Variants in LYPD6B observed in about 807,000 individuals in gnomAD.
LYPD6B encodes LY6/PLAUR domain containing 6B, also known as ly6/PLAUR domain-containing protein 6B.
Under a neutral mutation model 22.8 loss-of-function variants are expected in LYPD6B, and 17 were observed. The observed-to-expected ratio is 0.75, with a 90% confidence interval of 0.51 to 1.12. The LOEUF (loss-of-function observed/expected upper bound fraction) is 1.12, where lower values mean the gene tolerates loss of function less well. LYPD6B is among the 50% of genes most tolerant of loss of function. The pLI is 0.00. For synonymous variants in LYPD6B, 106 were observed against 91.6 expected, an observed-to-expected ratio of 1.16 and a Z score of -0.90; for missense variants, 221 against 258.3, an observed-to-expected ratio of 0.86 and a Z score of 0.99.
At chr2:149,127,216 T>C (rs924902722) in intron 1 of LYPD6B, among the ~76,000 whole-genome samples, 5 of 152,164 alleles carry the variant, frequency 3.3e-5, no homozygotes, top group African/African-American at 1.2e-4. Context: ...TGTAATTCTG[T>C]TGTTTATCAT....
intron 1 of LYPD6B, among the ~76,000 whole-genome samples, chr2:149,110,269 TTGTC>T (rs1265099467): frequency 2.0e-5 from 3 of 152,170 alleles, no homozygotes; most frequent in Non-Finnish European, 4.4e-5. Context: ...TTCAATGCCT[TTGTC>T]TGATAATTCT....
intron 1 of LYPD6B, among the ~76,000 whole-genome samples, chr2:149,055,825 GTA>G (rs1364944356): frequency 3.3e-5 from 5 of 152,204 alleles, no homozygotes; most frequent in Non-Finnish European, 5.9e-5. Context: ...AATGGAGGTA[GTA>G]TTACTTCTTT....
At chr2:149,111,400 T>C (rs1686752502) in intron 1 of LYPD6B, among the ~76,000 whole-genome samples, 1 of 152,108 alleles carries the variant, frequency 6.6e-6, no homozygotes, top group South Asian at 2.1e-4. Flanking sequence ...GTGAAGGTGA[T>C]GAAAAATCAG....
chr2:149,188,715 C>T (rs551140855), intron 3 of LYPD6B: 9 of 979,616 alleles, frequency 9.2e-6, no homozygotes, highest in South Asian at 4.7e-5. Flanking sequence ...CTCAGGAGGT[C>T]GCCTGGCTCC....
intron 3 of LYPD6B, among the ~76,000 whole-genome samples, chr2:149,167,658 G>A (rs1690519597): frequency 6.6e-6 from 1 of 152,092 alleles, no homozygotes; most frequent in African/African-American, 2.4e-5. Context: ...CTGAAAGGGA[G>A]GTTTTATTCA....
chr2:149,198,749 G>A (rs9917120), intron 3 of LYPD6B, among the ~76,000 whole-genome samples: 29,708 of 152,120 alleles, frequency 0.2, 3,044 homozygotes, highest in East Asian at 0.36. Context: ...ATGAGTTTTT[G>A]ATCCTATGCT....
intron 5 of LYPD6B, among the ~76,000 whole-genome samples, chr2:149,212,550 G>A (rs1693941931): frequency 6.6e-6 from 1 of 152,022 alleles, no homozygotes; most frequent in South Asian, 2.1e-4. Flanking sequence ...GAAAAATGAT[G>A]AGTAATGAAA....
At chr2:149,158,287 C>T (rs1167684142) in intron 2 of LYPD6B, among the ~76,000 whole-genome samples, 1 of 151,988 alleles carries the variant, frequency 6.6e-6, no homozygotes, top group Non-Finnish European at 1.5e-5. Context: ...AAATTGATTC[C>T]AGGGTAAACA....
chr2:149,062,123 G>T (rs1684113020), intron 1 of LYPD6B, among the ~76,000 whole-genome samples: 1 of 152,040 alleles, frequency 6.6e-6, no homozygotes, highest in African/African-American at 2.4e-5. Context: ...GAGTAGCTGG[G>T]ATTACAGGCA....
At chr2:149,060,227 A>G (rs6711882) in intron 1 of LYPD6B, among the ~76,000 whole-genome samples, 30,031 of 152,120 alleles carry the variant, frequency 0.2, 3,078 homozygotes, top group East Asian at 0.38. Flanking sequence ...CAACAGCTCC[A>G]GGTCCAGGTG....
intron 1 of LYPD6B, among the ~76,000 whole-genome samples, chr2:149,085,205 C>T (rs1319463890): frequency 6.6e-6 from 1 of 152,180 alleles, no homozygotes; most frequent in African/African-American, 2.4e-5. Flanking sequence ...TCAGACTTGC[C>T]AGAGCTGGGC....
chr2:149,098,887 A>G lies in LYPD6B; in HGVS notation c.-66-31996A>G, dbSNP rs562172434. ...CAAGGCTCCCAAATGCCTTTCCCAC[A>G]TATTGAACTGTCACAGTAATGATCA... On this transcript the variant is annotated intron_variant, in intron 1 of 6. Coordinates refer to ENST00000409642, the MANE Select transcript of LYPD6B (RefSeq NM_177964.5). 3.9e-5 allele frequency among the ~76,000 whole-genome samples: 6 copies of G among 152,000 alleles called. No homozygotes were observed. In the East Asian group the frequency reaches 1.2e-3, roughly 29 times the overall value.
chr2:149,052,094 G>A (rs1053656872), intron 1 of LYPD6B, among the ~76,000 whole-genome samples: 9 of 151,820 alleles, frequency 5.9e-5, no homozygotes, highest in Admixed American at 2.6e-4. Context: ...GTCTCGCTCT[G>A]TCACTAGGCT....
At chr2:149,208,287 T>G in intron 4 of LYPD6B, 27 bp from the exon 5 acceptor site, 1 of 1,579,800 alleles carries the variant, frequency 6.3e-7, no homozygotes, top group Non-Finnish European at 8.7e-7. Context: ...TGTAGCTTAC[T>G]GTTTCACTTT....
intron 3 of LYPD6B, among the ~76,000 whole-genome samples, chr2:149,168,679 T>C (rs1047610059): frequency 6.6e-6 from 1 of 152,260 alleles, no homozygotes; most frequent in Admixed American, 6.5e-5. Context: ...TTGTTATTCC[T>C]GGATGGCAGA....
intron 1 of LYPD6B, among the ~76,000 whole-genome samples, chr2:149,060,011 G>C (rs1684000667): frequency 6.6e-6 from 1 of 152,048 alleles, no homozygotes; most frequent in Non-Finnish European, 1.5e-5. Context: ...CTTGAGGGAG[G>C]GGTAGGGAGG....
intron 2 of LYPD6B, among the ~76,000 whole-genome samples, chr2:149,145,018 T>G (rs1688930950): frequency 6.6e-6 from 1 of 151,966 alleles, no homozygotes; most frequent in Non-Finnish European, 1.5e-5. Context: ...AAACTGAGAG[T>G]GTACAGATTC....
intron 3 of LYPD6B, among the ~76,000 whole-genome samples, chr2:149,200,926 A>G (rs1355325204): frequency 1.3e-5 from 2 of 152,210 alleles, no homozygotes; most frequent in Non-Finnish European, 2.9e-5. Flanking sequence ...CTCATAAAAC[A>G]CAGGAAAAAT....
chr2:149,110,239 G>C (rs1574983394), intron 1 of LYPD6B, among the ~76,000 whole-genome samples: 2 of 151,952 alleles, frequency 1.3e-5, no homozygotes, highest in African/African-American at 4.8e-5. Flanking sequence ...TCAAAATATA[G>C]GGAGTACAGT....
Sources: gnomAD v4.1 joint callset for allele counts (sites outside exome capture counted in the v4.1 genomes callset) on GRCh38, gnomAD v4.1.1 for gene constraint, MANE v1.5 for transcripts, NCBI Gene and HGNC (gene_info 2026-07-23, HGNC 2026-07-21) for gene names.